Variants in FASTKD1 observed in about 807,000 individuals in gnomAD.
FASTKD1 encodes the protein FAST kinase domain-containing protein 1, mitochondrial.
FASTKD1 carries 94 observed loss-of-function variants against 90.9 expected under a neutral mutation model. The ratio of observed to expected loss-of-function variants is 1.03; its 90% CI spans 0.88 to 1.23. FASTKD1 has a LOEUF of 1.23. Among genes scored for constraint, FASTKD1 ranks in the 50% most tolerant of loss-of-function variants. The pLI is 0.00. For synonymous variants in FASTKD1, 319 were observed against 345.8 expected, an observed-to-expected ratio of 0.92 and a Z score of 0.86; for missense variants, 945 against 993.5, an observed-to-expected ratio of 0.95 and a Z score of 0.66.
At chr2:169,548,873 T>C (rs1043563982) in intron 7 of FASTKD1, among the ~76,000 whole-genome samples, 1 of 151,378 alleles carries the variant, frequency 6.6e-6, no homozygotes, top group African/African-American at 2.4e-5. Context: ...GGCGGGCAGA[T>C]CACGAGGTCA....
chr2:169,553,282 A>AC lies in FASTKD1; in HGVS notation c.1214+1841_1214+1842insG, dbSNP rs1365699727. ...TTTTTAAAAGCATGCAAAAAAAAAA[A>AC]AAAAAAACCCACTGTGCAGACATAA... On this transcript the variant is annotated intron_variant, in intron 7 of 14. Transcript: ENST00000453153. 5.3e-4 allele frequency among the ~76,000 whole-genome samples: 79 copies of AC among 149,554 alleles called. 2 individuals are homozygous for AC. The East Asian group carries it at 0.014, about 27-fold the overall frequency.
At position 169,569,215 on chromosome 2, in the gene FASTKD1, G is replaced by C; in HGVS notation, c.415C>G (p.Leu139Val). The C allele has an allele frequency of 1.2e-6, 2 of 1,613,984 alleles. No individual in the cohort carries two copies. The highest frequency in any genetic ancestry group is 1.1e-5 in the South Asian group (1 of 91,064). ...AGCCTTCTCCATGCTTCTGTAACTA[G>C]TGCTTCAACTAGCGGGTCATGGGCC... ...GEAHDPLVEA[L>V]VTEAWRRLER... The change falls in exon 3 of 15, where the codon CTA becomes GTA. Residue 139 changes from leucine (L) to valine (V), a missense_variant. Physicochemically the swap from Leu to Val is conservative, Grantham distance 32. Coordinates refer to ENST00000453153, the MANE Select transcript of FASTKD1 (RefSeq NM_024622.6).
intron 13 of FASTKD1, 127 bp from the exon 14 acceptor site, chr2:169,530,828 A>C (rs1425702825): frequency 1.5e-6 from 1 of 648,398 alleles, no homozygotes; most frequent in Non-Finnish European, 2.8e-6. Context: ...TGAGTATATC[A>C]AGTTATGTTT....
In FASTKD1 at chr2:169,544,799, A is replaced by G. The variant is rs1187399390; in HGVS notation, c.1738T>C (p.Phe580Leu). 1 of 1,612,362 alleles carries G rather than the reference A, an allele frequency of 6.2e-7. No homozygotes were observed. The highest frequency in any genetic ancestry group is 8.5e-7 in the Non-Finnish European group (1 of 1,178,572). The change falls in exon 9 of 15, where the codon TTC becomes CTC. Residue 580 changes from phenylalanine to leucine, a missense_variant. Physicochemically the swap from Phe to Leu is conservative, Grantham distance 22 (BLOSUM62 0). Transcript: ENST00000453153. Reference protein sequence around the residue: ...PFTIPAIIRPFSVLNYDPPQR... With the variant: ...PFTIPAIIRPLSVLNYDPPQR... ...GGTGGATCATAGTTCAATACGCTGA[A>G]TGGACGAATAATAGCAGGGATTGTA...
chr2:169,564,457 A>G (rs896081980), intron 3 of FASTKD1, among the ~76,000 whole-genome samples: 1 of 152,164 alleles, frequency 6.6e-6, no homozygotes, highest in Non-Finnish European at 1.5e-5. Flanking sequence ...GGTACATAGT[A>G]GGTACATATA....
At chr2:169,549,185 G>A (rs1365037016) in intron 7 of FASTKD1, among the ~76,000 whole-genome samples, 2 of 151,968 alleles carry the variant, frequency 1.3e-5, no homozygotes, top group Non-Finnish European at 2.9e-5. Context: ...ACCTGAGGTC[G>A]GGAGTTCGAG....
At chr2:169,536,090 C>T (rs1684712259) in intron 12 of FASTKD1, among the ~76,000 whole-genome samples, 1 of 151,900 alleles carries the variant, frequency 6.6e-6, no homozygotes, top group African/African-American at 2.4e-5. Flanking sequence ...AGACCAGCAA[C>T]ATAGTGAGAC....
Position 169,560,376 on chromosome 2 carries a change from A to G in FASTKD1, c.971+11T>C. The G allele has an allele frequency of 2.0e-6, 3 of 1,523,566 alleles. No homozygotes were observed. The highest frequency in any genetic ancestry group is 2.6e-6 in the Non-Finnish European group (3 of 1,144,452). 94.4% of individuals were successfully genotyped at this position (1,523,566 alleles called of 1,614,324 possible). A position where few individuals can be genotyped will look rare whatever the true frequency, so the allele number is the denominator to read the frequency against. On this transcript the variant is annotated intron_variant, in intron 5 of 14. Transcript: ENST00000453153. ...CAACAAAAAAAGTAATGCATTTTAA[A>G]CTGAACTTACTGTTTCTTTTCTTCA...
chr2:169,535,170 TTTTTGTTTTG>T lies in FASTKD1; in HGVS notation c.2188+2047_2188+2056del, dbSNP rs529175558. On this transcript the variant is annotated intron_variant, in intron 12 of 14. Coordinates refer to ENST00000453153, the MANE Select transcript of FASTKD1 (RefSeq NM_024622.6). ...TACCATGCCCAGCTTCAATGTTTGT[TTTTTGTTTTG>T]TTTTGTTTTGTTTTGTTTTAGAGAC... Among the ~76,000 whole-genome samples the T allele has an allele frequency of 5.3e-5, 8 of 151,720 alleles. 1 individual carries two copies. Among genetic ancestry groups the T allele is most frequent in the African/African-American group, 1.7e-4 (7 of 41,278 alleles).
In FASTKD1 at chr2:169,549,344, G is replaced by A. The variant is rs535221701; in HGVS notation, c.1215-2640C>T. On this transcript the variant is annotated intron_variant, in intron 7 of 14. Coordinates refer to ENST00000453153, the MANE Select transcript of FASTKD1 (RefSeq NM_024622.6). ...GTTGAACCTGGGAGGCGGAGGTTGC[G>A]GTGAGCCGAGATTGTGCCACTGCAC... Among the ~76,000 whole-genome samples, 53 of 146,834 alleles carry A rather than the reference G, an allele frequency of 3.6e-4. 2 individuals are homozygous for A. The South Asian group carries it at 5.6e-3, about 15-fold the overall frequency.
rs148059400 is a variant in FASTKD1, at chr2:169,551,567, C to G, written c.1214+3557G>C. Reference sequence around the variant, plus strand: ...ACCCCAGCACTTCAGGAGGCCAAGGCAGGCAGATTACTTGAGCACAGGAGT... The same window carrying G: ...ACCCCAGCACTTCAGGAGGCCAAGGGAGGCAGATTACTTGAGCACAGGAGT... On this transcript the variant is annotated intron_variant, in intron 7 of 14. Coordinates refer to ENST00000453153, the MANE Select transcript of FASTKD1 (RefSeq NM_024622.6). Among the ~76,000 whole-genome samples the G allele has an allele frequency of 9.7e-3, 1,470 of 152,222 alleles. 31 individuals are homozygous for G. The highest frequency in any genetic ancestry group is 0.034 in the African/African-American group (1,404 of 41,534).
Position 169,546,501 on chromosome 2 carries a change from G to A in FASTKD1, c.1418C>T (p.Thr473Ile). 2.5e-6 allele frequency: 4 copies of A among 1,614,096 alleles called. No individual in the cohort carries two copies. Among genetic ancestry groups the A allele is most frequent in the Non-Finnish European group, 2.5e-6 (3 of 1,180,020 alleles). Residue 473 changes from threonine (T) to isoleucine (I), a missense_variant, in exon 8 of 15, where the codon ACT becomes ATT. Thr to Ile is a moderately conservative substitution (Grantham distance 89). Coordinates refer to ENST00000453153, the MANE Select transcript of FASTKD1 (RefSeq NM_024622.6). ...QHDHMYLDNM[T>I]AKQLKLLQKL... ...TTGAAGTAGTTTCAGTTGTTTCGCA[G>A]TCATATTATCCAAATACATGTGATC... is the stretch of plus-strand genomic sequence containing the variant.
In FASTKD1 at chr2:169,531,439, TGGCTTCCATAC is replaced by T; in HGVS notation, c.2229_2239del (p.Tyr744Ter). On this transcript the variant is annotated frameshift_variant, in exon 13 of 15. Coordinates refer to ENST00000453153, the MANE Select transcript of FASTKD1 (RefSeq NM_024622.6). LOFTEE classifies it high-confidence loss of function. ...TGGTAGTTGTCCCAATGCTATATTA[TGGCTTCCATAC>T]GGAAGAGGTTTTTTTCTTTTATCCA... is the stretch of plus-strand genomic sequence containing the variant. 1 of 1,612,308 alleles carries T rather than the reference TGGCTTCCATAC, an allele frequency of 6.2e-7. No homozygotes were observed. Among genetic ancestry groups the T allele is most frequent in the Non-Finnish European group, 8.5e-7 (1 of 1,179,528 alleles).
intron 7 of FASTKD1, among the ~76,000 whole-genome samples, chr2:169,553,742 C>T (rs1285311173): frequency 6.6e-6 from 1 of 151,724 alleles, no homozygotes; most frequent in African/African-American, 2.4e-5. Flanking sequence ...ACAGTGAAAC[C>T]CCATCTCTAC....
At chr2:169,562,328 G>A (rs531536310) in intron 4 of FASTKD1, among the ~76,000 whole-genome samples, 1 of 151,864 alleles carries the variant, frequency 6.6e-6, no homozygotes, top group South Asian at 2.1e-4. Flanking sequence ...CACCTCCCAG[G>A]TTCAAGTAAT....
At chr2:169,531,887 A>C (rs931083453) in intron 12 of FASTKD1, among the ~76,000 whole-genome samples, 4 of 152,380 alleles carry the variant, frequency 2.6e-5, no homozygotes, top group Middle Eastern at 3.4e-3. Flanking sequence ...TGAATTGTAC[A>C]TAAGAGTAAC....
At chr2:169,560,306 T>C (rs1574403019) in intron 5 of FASTKD1, 81 bp downstream of exon 5, 1 of 1,137,692 alleles carries the variant, frequency 8.8e-7, no homozygotes, top group East Asian at 2.5e-5. Context: ...ATTTGTACCT[T>C]CCAGAGCTGC....
rs1449916503 is a variant in FASTKD1, at chr2:169,560,381, A to T, written c.971+6T>A. 1.1e-5 allele frequency: 17 copies of T among 1,528,628 alleles called. No individual in the cohort carries two copies. Among genetic ancestry groups the T allele is most frequent in the Non-Finnish European group, 1.5e-5 (17 of 1,147,232 alleles). 94.7% of individuals were successfully genotyped at this position (1,528,628 alleles called of 1,614,324 possible). On this transcript the variant is annotated splice_donor_region_variant and intron_variant, in intron 5 of 14. Transcript: ENST00000453153. ...AAAAAAGTAATGCATTTTAAACTGAACTTACTGTTTCTTTTCTTCAGGTCC... is the reference window on the plus strand; with the variant it reads ...AAAAAAGTAATGCATTTTAAACTGATCTTACTGTTTCTTTTCTTCAGGTCC...
chr2:169,557,091 A>G, intron 6 of FASTKD1, 96 bp downstream of exon 6: 2 of 765,464 alleles, frequency 2.6e-6, no homozygotes, highest in Non-Finnish European at 4.6e-6. Flanking sequence ...CTTCAAAACA[A>G]CTGGTAGATT....
Sources: allele counts gnomAD v4.1 joint callset (sites outside exome capture counted in the v4.1 genomes callset), GRCh38; gene constraint gnomAD v4.1.1; transcripts MANE v1.5; gene names NCBI Gene and HGNC (gene_info 2026-07-23, HGNC 2026-07-21).